The following MAST4 variants were observed in gnomAD, a reference collection of about 807,000 sequenced individuals.
MAST4 encodes microtubule associated serine/threonine kinase family member 4, also known as microtubule-associated serine/threonine-protein kinase 4.
Under a neutral mutation model 162.7 loss-of-function variants are expected in MAST4, and 89 were observed. The observed-to-expected ratio is 0.55, with a 90% CI of 0.46 to 0.65. The LOEUF (loss-of-function observed/expected upper bound fraction) is 0.65. MAST4 is among the 30% of genes least tolerant of loss of function. The probability of loss-of-function intolerance (pLI) is 0.00; values close to 1 mark genes in which losing one functional copy is unlikely to be tolerated. For missense variants in MAST4, 3,153 were observed against 3,374.0 expected (o/e 0.93, Z 1.62); for synonymous variants, 1,479 against 1,361.1 (o/e 1.09, Z -1.91).
intron 1 of MAST4, among the ~76,000 whole-genome samples, chr5:66,753,779 G>A (rs1753345330): frequency 6.7e-6 from 1 of 150,258 alleles, no homozygotes; most frequent in African/African-American, 2.5e-5. Flanking sequence ...GAAAAAGAGG[G>A]AATCCTCCCT....
In MAST4 at chr5:66,677,845, T is replaced by C. The variant is rs537775250; in HGVS notation, c.363+80827T>C. Among the ~76,000 whole-genome samples, 470 of 152,172 alleles carry C rather than the reference T, an allele frequency of 3.1e-3. 6 individuals are homozygous for C. The highest frequency in any genetic ancestry group is 0.026 in the Admixed American group (396 of 15,274). ...GGAGATGGATTTGGAAAGCGTGAACTTTAGGGCAGGGTTCTTGTGATGTAG... is the reference window on the plus strand; with the variant it reads ...GGAGATGGATTTGGAAAGCGTGAACCTTAGGGCAGGGTTCTTGTGATGTAG... On this transcript the variant is annotated intron_variant, in intron 1 of 28. Coordinates refer to ENST00000403625, the MANE Select transcript of MAST4 (RefSeq NM_001164664.2).
rs1167117035 is a variant in MAST4 at position 67,054,393 on chromosome 5, CTTTT to C, written c.675-9_675-6del. ...TCTTTTTAAACTTTGTTTTTTCTTT[CTTTT>C]TGATAGTTGCCGAACAAGCAACCGG... On this transcript the variant is annotated splice_polypyrimidine_tract_variant and splice_region_variant and intron_variant, in intron 4 of 28. Transcript: ENST00000403625. The C allele has an allele frequency of 6.3e-7, 1 of 1,589,970 alleles. No homozygotes were observed. Among genetic ancestry groups the C allele is most frequent in the African/African-American group, 1.4e-5 (1 of 74,014 alleles).
chr5:66,652,895 C>A (rs1746318350), intron 1 of MAST4, among the ~76,000 whole-genome samples: 1 of 152,160 alleles, frequency 6.6e-6, no homozygotes, highest in African/African-American at 2.4e-5. Context: ...CCACTAAGTA[C>A]CAACCTTGAA....
At chr5:66,607,014 T>G (rs1742938036) in intron 1 of MAST4, among the ~76,000 whole-genome samples, 1 of 152,144 alleles carries the variant, frequency 6.6e-6, no homozygotes, top group African/African-American at 2.4e-5. Flanking sequence ...CAAGCCTTTT[T>G]GAAATTCAAT....
chr5:66,704,716 G>A (rs1165969051), intron 1 of MAST4, among the ~76,000 whole-genome samples: 1 of 151,924 alleles, frequency 6.6e-6, no homozygotes, highest in Non-Finnish European at 1.5e-5. Context: ...TAGCCAGGAT[G>A]GTCTCTATCT....
chr5:66,788,899 C>T lies in MAST4; in HGVS notation c.642+105C>T, dbSNP rs549324551. On this transcript the variant is annotated intron_variant, in intron 3 of 28. Transcript: ENST00000403625. ...TATATTTAAACTTACCCACATGTGA[C>T]GTTAAGCACATATTTGGCAATGTGG... 242 of 1,322,542 alleles carry T rather than the reference C, an allele frequency of 1.8e-4. 2 individuals carry two copies. In the African/African-American group the frequency reaches 2.9e-3, roughly 16 times the overall value. The allele number at this position is 1,322,542 out of a possible 1,614,324, so 81.9% of individuals were successfully genotyped here. A position where few individuals can be genotyped will look rare whatever the true frequency, so the allele number is the denominator to read the frequency against.
chr5:67,033,066 A>C (rs1271603380), intron 4 of MAST4, among the ~76,000 whole-genome samples: 2 of 152,062 alleles, frequency 1.3e-5, no homozygotes, highest in Non-Finnish European at 2.9e-5. Context: ...ATGAATGGTC[A>C]TACTTAAAAT....
chr5:66,663,308 A>G (rs982559135), intron 1 of MAST4, among the ~76,000 whole-genome samples: 3 of 152,152 alleles, frequency 2.0e-5, no homozygotes, highest in Non-Finnish European at 2.9e-5. Context: ...AGTGGTCTTC[A>G]CCTATTGCTG....
intron 3 of MAST4, among the ~76,000 whole-genome samples, chr5:66,839,784 A>G (rs915877594): frequency 6.6e-6 from 1 of 152,184 alleles, no homozygotes; most frequent in African/African-American, 2.4e-5. Context: ...GAGTGAGATT[A>G]CATCAAATTC....
At chr5:66,905,812 G>T (rs1395416904) in intron 4 of MAST4, among the ~76,000 whole-genome samples, 1 of 152,208 alleles carries the variant, frequency 6.6e-6, no homozygotes, top group Non-Finnish European at 1.5e-5. Context: ...GGTTGAAAGA[G>T]TTATTATCTA....
intron 5 of MAST4, among the ~76,000 whole-genome samples, chr5:67,081,428 G>C (rs537944617): frequency 1.3e-5 from 2 of 151,994 alleles, no homozygotes; most frequent in Admixed American, 1.3e-4. Context: ...TGTAAAACAG[G>C]CATCGAACTA....
chr5:66,931,724 C>T (rs1037289364), intron 4 of MAST4, among the ~76,000 whole-genome samples: 8 of 151,928 alleles, frequency 5.3e-5, no homozygotes, highest in Non-Finnish European at 7.4e-5. Context: ...TTGAAGATAG[C>T]GTTGCTGCCT....
At chr5:66,943,642 T>C in intron 4 of MAST4, among the ~76,000 whole-genome samples, 1 of 152,120 alleles carries the variant, frequency 6.6e-6, no homozygotes, top group East Asian at 1.9e-4. Context: ...GCAAGAATTA[T>C]TACTAATAGT....
intron 16 of MAST4, among the ~76,000 whole-genome samples, 154 bp from the exon 17 acceptor site, chr5:67,133,360 T>C (rs1198267188): frequency 6.6e-6 from 1 of 152,196 alleles, no homozygotes; most frequent in East Asian, 1.9e-4. Flanking sequence ...TTGACATCTT[T>C]ATGTGACTCC....
At chr5:67,019,028 A>G (rs1753657093) in intron 4 of MAST4, among the ~76,000 whole-genome samples, 1 of 152,192 alleles carries the variant, frequency 6.6e-6, no homozygotes. Flanking sequence ...ACATGTGTGC[A>G]TGCATACCAC....
intron 3 of MAST4, among the ~76,000 whole-genome samples, chr5:66,869,872 C>T (rs577040819): frequency 1.3e-5 from 2 of 152,260 alleles, no homozygotes; most frequent in Non-Finnish European, 2.9e-5. Flanking sequence ...CTCTCGGTTG[C>T]TTTCATCAAC....
intron 1 of MAST4, among the ~76,000 whole-genome samples, chr5:66,758,040 T>C (rs1183930725): frequency 6.6e-6 from 1 of 151,758 alleles, no homozygotes; most frequent in Non-Finnish European, 1.5e-5. Context: ...AGTTCAGCTC[T>C]GCATTTGAAA....
chr5:66,793,668 C>T (rs1229942667), intron 3 of MAST4, among the ~76,000 whole-genome samples: 1 of 152,158 alleles, frequency 6.6e-6, no homozygotes, highest in African/African-American at 2.4e-5. Context: ...GCAGAAGCAC[C>T]ATGAACATTA....
intron 3 of MAST4, among the ~76,000 whole-genome samples, chr5:66,876,260 G>C (rs936812883): frequency 1.3e-5 from 2 of 152,208 alleles, no homozygotes; most frequent in Admixed American, 6.5e-5. Flanking sequence ...TTTTTGAGTG[G>C]AGGGAGATCT....
Sources: gnomAD v4.1 joint callset for allele counts (sites outside exome capture counted in the v4.1 genomes callset) on GRCh38, gnomAD v4.1.1 for gene constraint, MANE v1.5 for transcripts, NCBI Gene and HGNC (gene_info 2026-07-23, HGNC 2026-07-21) for gene names.